ADD2: variants seen among roughly 807,000 people sequenced by gnomAD.
The protein encoded by ADD2 is beta-adducin.
A neutral mutation model predicts 83.0 loss-of-function variants in ADD2; 23 were observed. The ratio of observed to expected loss-of-function variants is 0.28; its 90% CI spans 0.20 to 0.39. The LOEUF is 0.39. ADD2 is among the 10% of genes least tolerant of loss of function. The pLI, the probability that ADD2 is intolerant of heterozygous loss-of-function variation, is 1.00. For synonymous variants in ADD2, 375 were observed against 375.4 expected, an observed-to-expected ratio of 1.00 and a Z score of 0.01; for missense variants, 758 against 944.9, an observed-to-expected ratio of 0.80 and a Z score of 2.59.
intron 1 of ADD2, among the ~76,000 whole-genome samples, chr2:70,723,228 T>C (rs1418106606): frequency 6.6e-6 from 1 of 152,184 alleles, no homozygotes; most frequent in Non-Finnish European, 1.5e-5. Flanking sequence ...CTCAGGTTCT[T>C]TGTCCAATGT....
At chr2:70,681,446 A>G (rs1433227336) in intron 10 of ADD2, among the ~76,000 whole-genome samples, 6 of 152,158 alleles carry the variant, frequency 3.9e-5, no homozygotes, top group Non-Finnish European at 8.8e-5. Context: ...CCAAGTGTTT[A>G]AGACCAGGAA....
intron 4 of ADD2, 34 bp downstream of exon 4, chr2:70,704,287 C>CCT: frequency 6.3e-7 from 1 of 1,588,512 alleles, no homozygotes; most frequent in Non-Finnish European, 8.6e-7. Flanking sequence ...TCCCCTCCAC[C>CCT]TCTGCTCCTG....
intron 1 of ADD2, 40 bp downstream of exon 1, chr2:70,767,846 A>C (rs1301134952): frequency 1.3e-6 from 2 of 1,533,228 alleles, no homozygotes; most frequent in African/African-American, 2.8e-5. Flanking sequence ...GAGACCAGCG[A>C]CCCCAGGCAG....
chr2:70,678,596 A>G, intron 11 of ADD2, 108 bp downstream of exon 11: 1 of 1,449,922 alleles, frequency 6.9e-7, no homozygotes, highest in Non-Finnish European at 9.1e-7. Flanking sequence ...AGAGGATGCT[A>G]CTAACCTGGG....
chr2:70,710,549 C>T (rs1390312749), intron 2 of ADD2, among the ~76,000 whole-genome samples: 3 of 152,252 alleles, frequency 2.0e-5, no homozygotes, highest in Non-Finnish European at 4.4e-5. Context: ...ACCATCACAG[C>T]AGGGGCCTGA....
At chr2:70,750,089 G>C (rs1450223257) in intron 1 of ADD2, among the ~76,000 whole-genome samples, 3 of 131,126 alleles carry the variant, frequency 2.3e-5, no homozygotes, top group East Asian at 2.5e-4. Flanking sequence ...GCTCTTGAGA[G>C]GGGGGCAGAG....
chr2:70,685,411 G>A (rs895309737), intron 9 of ADD2, among the ~76,000 whole-genome samples: 3 of 152,220 alleles, frequency 2.0e-5, no homozygotes, highest in East Asian at 1.9e-4. Context: ...CGCCCTTCTC[G>A]TCCAAGCCAT....
At chr2:70,764,637 G>A (rs548519083) in intron 1 of ADD2, among the ~76,000 whole-genome samples, 2 of 152,056 alleles carry the variant, frequency 1.3e-5, no homozygotes, top group East Asian at 3.9e-4. Flanking sequence ...CACTGGAATA[G>A]GCCAGGCATA....
chr2:70,710,040 CCTT>C (rs1371290992), intron 2 of ADD2, among the ~76,000 whole-genome samples: 1 of 152,200 alleles, frequency 6.6e-6, no homozygotes, highest in African/African-American at 2.4e-5. Flanking sequence ...GAACCCCACT[CCTT>C]CTCTGTTTAG....
intron 6 of ADD2, among the ~76,000 whole-genome samples, chr2:70,695,415 C>T (rs1262139733): frequency 6.6e-6 from 1 of 151,730 alleles, no homozygotes; most frequent in African/African-American, 2.4e-5. Context: ...CCAGAAAGGC[C>T]CCCCATTCCC....
chr2:70,740,490 A>G (rs1345126684), intron 1 of ADD2, among the ~76,000 whole-genome samples: 9 of 152,208 alleles, frequency 5.9e-5, no homozygotes, highest in Non-Finnish European at 8.8e-5. Context: ...ATAGTAAGCA[A>G]TTTCACTGCA....
At chr2:70,702,993 G>A (rs576837676) in intron 4 of ADD2, among the ~76,000 whole-genome samples, 20 of 152,238 alleles carry the variant, frequency 1.3e-4, no homozygotes, top group Admixed American at 2.6e-4. Context: ...CAGGCATGTG[G>A]TGCGTGCCCG....
intron 9 of ADD2, among the ~76,000 whole-genome samples, chr2:70,686,690 A>G (rs1209059161): frequency 1.3e-5 from 2 of 152,198 alleles, no homozygotes; most frequent in East Asian, 3.9e-4. Context: ...AGGCTCCACC[A>G]GATTCTTCCA....
At chr2:70,698,767 G>GA (rs1558541465) in intron 4 of ADD2, among the ~76,000 whole-genome samples, 1 of 152,052 alleles carries the variant, frequency 6.6e-6, no homozygotes, top group Non-Finnish European at 1.5e-5. Context: ...TTGGCCTCAC[G>GA]AAAGTTAGGA....
At position 70,698,691 on chromosome 2, in the gene ADD2, C is replaced by T. The variant is rs1045255412; in HGVS notation, c.323-2295G>A. On this transcript the variant is annotated intron_variant, in intron 4 of 15. Transcript: ENST00000264436. ...GTCGCTTGTACCCCATAAATATGTA[C>T]AACTATTAGGTATCCATTTTAAAAA... Among the ~76,000 whole-genome samples the T allele has an allele frequency of 3.3e-5, 5 of 152,144 alleles. No homozygotes were observed. The East Asian group carries it at 7.7e-4, about 23-fold the overall frequency.
intron 1 of ADD2, among the ~76,000 whole-genome samples, chr2:70,746,797 C>T (rs1331825283): frequency 6.6e-6 from 1 of 152,142 alleles, no homozygotes; most frequent in Non-Finnish European, 1.5e-5. Flanking sequence ...TAGCAACAGC[C>T]CCCATGCCTG....
chr2:70,746,700 G>A (rs1674215717), intron 1 of ADD2, among the ~76,000 whole-genome samples: 1 of 152,172 alleles, frequency 6.6e-6, no homozygotes, highest in Admixed American at 6.5e-5. Flanking sequence ...TGTCAGCTGT[G>A]TAGCCCTAGG....
intron 1 of ADD2, among the ~76,000 whole-genome samples, chr2:70,734,070 C>T (rs543572973): frequency 3.9e-4 from 59 of 152,170 alleles, no homozygotes; most frequent in South Asian, 2.9e-3. Context: ...CCCCTCTCCC[C>T]GGGGACACTG....
Position 70,683,578 on chromosome 2 carries a change from G to A in ADD2, c.1125+13C>T, listed in dbSNP as rs1553369937. 3 of 1,604,704 alleles carry A rather than the reference G, an allele frequency of 1.9e-6. No individual in the cohort carries two copies. The highest frequency in any genetic ancestry group is 1.1e-5 in the South Asian group (1 of 90,518). On this transcript the variant is annotated intron_variant, in intron 10 of 15. Transcript: ENST00000264436. Reference sequence around the variant, plus strand: ...AATGGACTGGCCTGGAAGGGCAATGGCAGGAGACTCACCAGGTTGTCCAGC... The same window carrying A: ...AATGGACTGGCCTGGAAGGGCAATGACAGGAGACTCACCAGGTTGTCCAGC...
Sources: gnomAD v4.1 joint callset for allele counts (sites outside exome capture counted in the v4.1 genomes callset) on GRCh38, gnomAD v4.1.1 for gene constraint, MANE v1.5 for transcripts, NCBI Gene and HGNC (gene_info 2026-07-23, HGNC 2026-07-21) for gene names.